BCOR: variants seen among roughly 807,000 people sequenced by gnomAD.
BCOR encodes BCL-6 corepressor.
In BCOR, 10 loss-of-function variants were observed where a neutral mutation model predicts 86.7. The ratio of observed to expected loss-of-function variants is 0.12; its 90% CI spans 0.07 to 0.20. BCOR has a LOEUF of 0.20. BCOR is among the 10% of genes least tolerant of loss of function. The pLI, the probability that BCOR is intolerant of heterozygous loss-of-function variation, is 1.00. For synonymous variants in BCOR, 611 were observed against 609.0 expected, an observed-to-expected ratio of 1.00 and a Z score of -0.05; for missense variants, 1,259 against 1,452.1, an observed-to-expected ratio of 0.87 and a Z score of 2.16.
chrX:40,059,002 A>G (rs924748925), intron 10 of BCOR, among the ~76,000 whole-genome samples: 1 of 111,837 alleles, frequency 8.9e-6, no homozygotes, highest in African/African-American at 3.3e-5. Context: ...ATCTACCCGG[A>G]TCCCGGCAGC....
intron 1 of BCOR, among the ~76,000 whole-genome samples, chrX:40,116,657 C>G (rs138248417): frequency 6.3e-5 from 7 of 111,832 alleles, no homozygotes; most frequent in Non-Finnish European, 1.3e-4. Context: ...CCTGCCATCA[C>G]GGTGCAACAC....
At chrX:40,162,680 A>G (rs1293419436) in intron 1 of BCOR, among the ~76,000 whole-genome samples, 3 of 112,040 alleles carry the variant, frequency 2.7e-5, no homozygotes, top group Non-Finnish European at 5.6e-5. Context: ...ATTTTCAAAA[A>G]TGGGAAAATG....
At chrX:40,129,913 C>CACCT (rs1417879197) in intron 1 of BCOR, among the ~76,000 whole-genome samples, 2 of 110,767 alleles carry the variant, frequency 1.8e-5, no homozygotes, top group African/African-American at 6.6e-5. Flanking sequence ...TGGTGGCGCA[C>CACCT]ACCTGTAGTC....
intron 1 of BCOR, among the ~76,000 whole-genome samples, chrX:40,151,607 C>T (rs1177435807): frequency 8.9e-6 from 1 of 112,993 alleles, no homozygotes; most frequent in Non-Finnish European, 1.9e-5. Context: ...AGCGGGGGGA[C>T]GGGTCCCCAC....
intron 1 of BCOR, among the ~76,000 whole-genome samples, chrX:40,109,702 C>T (rs960581832): frequency 1.5e-4 from 17 of 112,876 alleles, no homozygotes; most frequent in African/African-American, 5.4e-4. Flanking sequence ...CCGAGGCCGC[C>T]GGGTCAGCGG....
intron 12 of BCOR, among the ~76,000 whole-genome samples, 178 bp downstream of exon 12, chrX:40,055,190 A>G (rs1291352028): frequency 8.9e-6 from 1 of 112,666 alleles, no homozygotes; most frequent in Non-Finnish European, 1.9e-5. Flanking sequence ...GGGTGAATAG[A>G]TGACTTAGCT....
intron 1 of BCOR, among the ~76,000 whole-genome samples, chrX:40,108,654 G>A (rs892623088): frequency 8.8e-6 from 1 of 113,456 alleles, no homozygotes; most frequent in Non-Finnish European, 1.9e-5. Flanking sequence ...GCCCCTGGGA[G>A]AGCTTGAACA....
chrX:40,058,741 C>A (rs1934723161), intron 10 of BCOR, among the ~76,000 whole-genome samples: 1 of 111,553 alleles, frequency 9.0e-6, no homozygotes, highest in South Asian at 3.8e-4. Flanking sequence ...GAAGGCATGC[C>A]CACAGATGCG....
chrX:40,169,777 G>T (rs898359575), intron 1 of BCOR, among the ~76,000 whole-genome samples: 2 of 111,421 alleles, frequency 1.8e-5, no homozygotes, highest in Non-Finnish European at 3.8e-5. Flanking sequence ...GGGAAGAACC[G>T]AGACTGCTGG....
intron 1 of BCOR, among the ~76,000 whole-genome samples, chrX:40,126,102 G>C (rs1002966814): frequency 9.1e-6 from 1 of 110,053 alleles, no homozygotes; most frequent in Non-Finnish European, 1.9e-5. Flanking sequence ...TGTAGTCCCA[G>C]CTACTCGGGA....
intron 1 of BCOR, among the ~76,000 whole-genome samples, chrX:40,154,511 G>T (rs2147995524): frequency 9.0e-6 from 1 of 110,682 alleles, no homozygotes; most frequent in African/African-American, 3.3e-5. Context: ...TCTCTCCCGA[G>T]AGAGGGAGCG....
intron 7 of BCOR, 120 bp downstream of exon 7, chrX:40,064,216 T>G: frequency 2.8e-6 from 3 of 1,056,258 alleles, no homozygotes; most frequent in Non-Finnish European, 3.9e-6. Flanking sequence ...CCCCACGGCT[T>G]CCCCTCACCG....
chrX:40,106,322 G>T (rs1937183237), intron 1 of BCOR, among the ~76,000 whole-genome samples: 1 of 112,403 alleles, frequency 8.9e-6, no homozygotes, highest in African/African-American at 3.2e-5. Flanking sequence ...TGCACACAGC[G>T]CTGCAGCGAG....
Position 40,063,879 on chromosome X carries a change from G to C in BCOR, c.3576C>G (p.Thr1192=). The C allele has an allele frequency of 8.3e-7, 1 of 1,211,894 alleles. No individual in the cohort carries two copies. The highest frequency in any genetic ancestry group is 1.1e-6 in the Non-Finnish European group (1 of 895,396). Residue 1192 remains threonine (T), a synonymous_variant, in exon 8 of 15, where the codon ACC becomes ACG. Transcript: ENST00000378444. ...HLEDPHYSEL[T]NLKVCIELTG... is the part of the protein sequence containing the mutation. ...TTAATTCAATGCACACCTTCAGGTT[G>C]GTCAGCTCACTATAATGTGGGTCTT...
At chrX:40,149,475 G>A (rs1360940448) in intron 1 of BCOR, among the ~76,000 whole-genome samples, 2 of 111,222 alleles carry the variant, frequency 1.8e-5, no homozygotes, top group Admixed American at 9.5e-5. Context: ...GCCAGGGGAA[G>A]TGAGGAGTAG....
chrX:40,061,949 C>T (rs2146990102), intron 10 of BCOR, among the ~76,000 whole-genome samples, 190 bp downstream of exon 10: 1 of 110,841 alleles, frequency 9.0e-6, no homozygotes, highest in African/African-American at 3.3e-5. Context: ...CTTTCCACAC[C>T]GCGATTGAAC....
At chrX:40,084,385 C>A (rs1936252659) in intron 1 of BCOR, among the ~76,000 whole-genome samples, 1 of 111,976 alleles carries the variant, frequency 8.9e-6, no homozygotes, top group African/African-American at 3.3e-5. Flanking sequence ...TTTTGCCACA[C>A]GGGGAGTCAG....
In BCOR at chrX:40,062,411, A is replaced by C; in HGVS notation, c.4174-18T>G. ...ACAGTCACCTATCATAAAACCAAGC[A>C]GCGCACACGGTTAAGCCCGTGTCCT... On this transcript the variant is annotated intron_variant, in intron 9 of 14. Transcript: ENST00000378444. 8.4e-7 allele frequency: 1 copy of C among 1,197,491 alleles called. No homozygotes were observed. The highest frequency in any genetic ancestry group is 1.7e-5 in the African/African-American group (1 of 57,307).
At chrX:40,171,102 G>A (rs1938610786) in intron 1 of BCOR, among the ~76,000 whole-genome samples, 2 of 112,080 alleles carry the variant, frequency 1.8e-5, no homozygotes, top group Non-Finnish European at 3.8e-5. Context: ...GGAGCCAGAA[G>A]CCATGTGAAG....
Sources: allele counts gnomAD v4.1 joint callset (sites outside exome capture counted in the v4.1 genomes callset), GRCh38; gene constraint gnomAD v4.1.1; transcripts MANE v1.5; gene names NCBI Gene and HGNC (gene_info 2026-07-23, HGNC 2026-07-21).